TGFBR2: variants seen among roughly 807,000 people sequenced by gnomAD.
TGFBR2 encodes the protein transforming growth factor beta receptor 2, also known as TGF-beta receptor type-2.
In TGFBR2, 18 loss-of-function variants were observed where a neutral mutation model predicts 49.0. That is an observed-to-expected ratio of 0.37 (90% CI 0.25 to 0.54). The LOEUF (loss-of-function observed/expected upper bound fraction) is 0.54. Among genes scored for constraint, TGFBR2 ranks in the 20% least tolerant of loss-of-function variants. The pLI, the probability that TGFBR2 is intolerant of heterozygous loss-of-function variation, is 0.85. For missense variants in TGFBR2, 525 were observed against 722.6 expected (o/e 0.73, Z 3.13); for synonymous variants, 282 against 275.9 (o/e 1.02, Z -0.22).
At chr3:30,627,733 T>C (rs779207253) in intron 1 of TGFBR2, among the ~76,000 whole-genome samples, 9 of 151,908 alleles carry the variant, frequency 5.9e-5, no homozygotes, top group Non-Finnish European at 8.8e-5. Flanking sequence ...TCTGAGACCA[T>C]CTTAGATGAT....
intron 1 of TGFBR2, chr3:30,623,364 A>G (rs1698271383): frequency 6.8e-7 from 1 of 1,477,680 alleles, no homozygotes; most frequent in Non-Finnish European, 9.4e-7. Flanking sequence ...TAAGATAAAA[A>G]TCTATAGTCT....
chr3:30,609,169 A>G (rs1369849809), intron 1 of TGFBR2, among the ~76,000 whole-genome samples: 1 of 152,224 alleles, frequency 6.6e-6, no homozygotes, highest in Non-Finnish European at 1.5e-5. Flanking sequence ...AAATGGTTGA[A>G]TTAATGAATC....
chr3:30,663,178 C>G (rs1424610418), intron 3 of TGFBR2, among the ~76,000 whole-genome samples: 1 of 151,082 alleles, frequency 6.6e-6, no homozygotes, highest in Non-Finnish European at 1.5e-5. Context: ...AGCTTTCACT[C>G]TCTTTCTGTG....
At chr3:30,655,561 A>C (rs918234690) in intron 3 of TGFBR2, among the ~76,000 whole-genome samples, 8 of 152,206 alleles carry the variant, frequency 5.3e-5, no homozygotes, top group Non-Finnish European at 1.2e-4. Context: ...AATAAAACTG[A>C]AACAACCCAC....
chr3:30,653,541 C>T (rs1964358), intron 3 of TGFBR2, among the ~76,000 whole-genome samples: 23,435 of 151,924 alleles, frequency 0.15, 2,043 homozygotes, highest in East Asian at 0.37. Context: ...CATGAGCCAC[C>T]ACACCCGGCC....
chr3:30,618,526 G>A (rs1394136758), intron 1 of TGFBR2, among the ~76,000 whole-genome samples: 3 of 150,896 alleles, frequency 2.0e-5, no homozygotes, highest in Non-Finnish European at 1.5e-5. Context: ...ACGAGCCATC[G>A]TGTCCGGCCC....
rs9838975 is a variant in TGFBR2 at position 30,687,493 on chromosome 3, G to T, written c.1397-891G>T. On this transcript the variant is annotated intron_variant, in intron 5 of 6. Transcript: ENST00000295754. The stretch of plus-strand genomic sequence containing the variant: ...CCTCCTTCAGCCTCCTAAAGTGCTG[G>T]GATTACACACATGAGCCACAGCACC... 8.5e-3 allele frequency among the ~76,000 whole-genome samples: 1,286 copies of T among 152,042 alleles called. 18 individuals are homozygous for T. Among genetic ancestry groups the T allele is most frequent in the African/African-American group, 0.03 (1,239 of 41,454 alleles).
intron 1 of TGFBR2, among the ~76,000 whole-genome samples, chr3:30,642,488 G>A (rs1376668325): frequency 6.6e-6 from 1 of 152,130 alleles, no homozygotes; most frequent in Admixed American, 6.6e-5. Flanking sequence ...GACCCCTTCA[G>A]TATTTTTTAA....
At position 30,672,514 on chromosome 3, in the gene TGFBR2, T is replaced by C. The variant is rs1334943936; in HGVS notation, c.1254+77T>C. On this transcript the variant is annotated intron_variant, in intron 4 of 6. Coordinates refer to ENST00000295754, the MANE Select transcript of TGFBR2 (RefSeq NM_003242.6). The surrounding 1 kb of genome is among the most constrained non-coding windows in gnomAD (Gnocchi z 4.5). ...TACCTCTTGATCCATATCTCCTGGC[T>C]CTTATCTCAAACAGCCCTGTACTCT... is the stretch of plus-strand genomic sequence containing the variant. 32 of 1,500,118 alleles carry C rather than the reference T, an allele frequency of 2.1e-5. No individual in the cohort carries two copies. Among genetic ancestry groups the C allele is most frequent in the Non-Finnish European group, 2.9e-5 (31 of 1,077,632 alleles). 92.9% of individuals were successfully genotyped at this position (1,500,118 alleles called of 1,614,324 possible). A position where few individuals can be genotyped will look rare whatever the true frequency, so the allele number is the denominator to read the frequency against.
At chr3:30,613,936 T>A (rs1049181372) in intron 1 of TGFBR2, among the ~76,000 whole-genome samples, 1 of 152,190 alleles carries the variant, frequency 6.6e-6, no homozygotes, top group African/African-American at 2.4e-5. Context: ...TGCAGAGATG[T>A]TGGGTAGAAA....
rs202121022 is a variant in TGFBR2 at position 30,607,800 on chromosome 3, AT to A, written c.94+824del. Among the ~76,000 whole-genome samples, 124 of 118,476 alleles carry A rather than the reference AT, an allele frequency of 1.0e-3. 1 individual carries two copies. The highest frequency in any genetic ancestry group is 6.7e-3 in the South Asian group (28 of 4,172). The allele number at this position is 118,476 out of a possible 152,430, so 77.7% of individuals were successfully genotyped here. On this transcript the variant is annotated intron_variant, in intron 1 of 6. Coordinates refer to ENST00000295754, the MANE Select transcript of TGFBR2 (RefSeq NM_003242.6). Reference sequence around the variant, plus strand: ...TTAAGGAAAAAATAAAAATAAAAAAATATATATATATATTATATATATATAA... The same window carrying A: ...TTAAGGAAAAAATAAAAATAAAAAAAATATATATATATTATATATATATAA...
chr3:30,648,993 G>A (rs1220804897), intron 2 of TGFBR2, among the ~76,000 whole-genome samples: 2 of 152,144 alleles, frequency 1.3e-5, no homozygotes, highest in Non-Finnish European at 2.9e-5. Context: ...CTTGCTTCTA[G>A]CCTGCCTTCC....
chr3:30,638,388 T>C (rs939146922), intron 1 of TGFBR2, among the ~76,000 whole-genome samples: 2 of 152,176 alleles, frequency 1.3e-5, no homozygotes, highest in Admixed American at 6.5e-5. Context: ...AATTGATGCC[T>C]TCAGGTCACT....
At chr3:30,617,803 G>T (rs538107868) in intron 1 of TGFBR2, among the ~76,000 whole-genome samples, 20 of 152,292 alleles carry the variant, frequency 1.3e-4, no homozygotes, top group African/African-American at 4.8e-4. Context: ...TTGGAAATGA[G>T]GATTGTGGGT....
rs537195393 is a variant in TGFBR2 at position 30,613,574 on chromosome 3, G to A, written c.94+6597G>A. On this transcript the variant is annotated intron_variant, in intron 1 of 6. Transcript: ENST00000295754. ...AGAAAGAGAGAGAGAGACAGAGAGC[G>A]AGCTTGGGTGTCCACATATCACAAG... Among the ~76,000 whole-genome samples, 4 of 152,168 alleles carry A rather than the reference G, an allele frequency of 2.6e-5. No homozygotes were observed. The South Asian group carries it at 6.2e-4, about 24-fold the overall frequency.
chr3:30,689,391 C>T (rs1174583838), intron 6 of TGFBR2, among the ~76,000 whole-genome samples: 1 of 152,220 alleles, frequency 6.6e-6, no homozygotes, highest in African/African-American at 2.4e-5. Flanking sequence ...ACTGTTCTTT[C>T]TACTGACTAA....
At chr3:30,673,160 C>T (rs1699373457) in intron 4 of TGFBR2, among the ~76,000 whole-genome samples, 1 of 152,182 alleles carries the variant, frequency 6.6e-6, no homozygotes, top group African/African-American at 2.4e-5. Flanking sequence ...TCAGTCAGCC[C>T]TGTGTCCATG....
At chr3:30,648,000 G>C (rs1698798326) in intron 2 of TGFBR2, among the ~76,000 whole-genome samples, 1 of 152,024 alleles carries the variant, frequency 6.6e-6, no homozygotes, top group African/African-American at 2.4e-5. Context: ...TTATCATGTT[G>C]GTTCTTCTTT....
intron 1 of TGFBR2, among the ~76,000 whole-genome samples, chr3:30,610,493 A>G (rs998486573): frequency 2.0e-5 from 3 of 152,188 alleles, no homozygotes; most frequent in African/African-American, 4.8e-5. Flanking sequence ...CATAGCCAGC[A>G]TGATGGACCC....
Sources: gnomAD v4.1 joint callset for allele counts (sites outside exome capture counted in the v4.1 genomes callset) on GRCh38, gnomAD v4.1.1 for gene constraint, Gnocchi (gnomAD v3.1) non-coding constraint, MANE v1.5 for transcripts, NCBI Gene and HGNC (gene_info 2026-07-23, HGNC 2026-07-21) for gene names.